The following ZNF335 variants were observed in gnomAD, a reference collection of about 807,000 sequenced individuals.
ZNF335 encodes the protein NRC-interacting factor 1.
A neutral mutation model predicts 145.6 loss-of-function variants in ZNF335; 84 were observed. The ratio of observed to expected loss-of-function variants is 0.58; its 90% CI spans 0.48 to 0.69. The LOEUF (loss-of-function observed/expected upper bound fraction) is 0.69, where lower values mean the gene tolerates loss of function less well. Ranked by LOEUF, ZNF335 falls within the 30% of genes least tolerant of loss-of-function variation. The pLI, the probability that ZNF335 is intolerant of heterozygous loss-of-function variation, is 0.00. For synonymous variants in ZNF335, 761 were observed against 717.0 expected, an observed-to-expected ratio of 1.06 and a Z score of -0.98; for missense variants, 1,865 against 1,809.7, an observed-to-expected ratio of 1.03 and a Z score of -0.55.
At chr20:45,966,950 G>T in intron 6 of ZNF335, 1 of 157,268 alleles carries the variant, frequency 6.4e-6, no homozygotes, top group South Asian at 1.7e-4. Context: ...CTGCAGCCTT[G>T]ACCTTCTGGG....
chr20:45,948,880 G>T lies in ZNF335; in HGVS notation c.*73C>A. ...TCTGGAGATCCTAAATGAAGAGGGAGGTGAGTCCTGGTGGCCCCCTACCCC... is the reference window on the plus strand; with the variant it reads ...TCTGGAGATCCTAAATGAAGAGGGATGTGAGTCCTGGTGGCCCCCTACCCC... On this transcript the variant is annotated 3_prime_UTR_variant, in exon 28 of 28. Coordinates refer to ENST00000322927, the MANE Select transcript of ZNF335 (RefSeq NM_022095.4). 6.2e-7 allele frequency: 1 copy of T among 1,604,058 alleles called. No homozygotes were observed.
chr20:45,967,615 T>TGCTGCTGCG lies in ZNF335; in HGVS notation c.825_833dup (p.Ala277_Ala279dup). 1 of 1,614,044 alleles carries TGCTGCTGCG rather than the reference T, an allele frequency of 6.2e-7. No individual in the cohort carries two copies. Among genetic ancestry groups the TGCTGCTGCG allele is most frequent in the Non-Finnish European group, 8.5e-7 (1 of 1,179,976 alleles). On this transcript the variant is annotated inframe_insertion, in exon 6 of 28. Coordinates refer to ENST00000322927, the MANE Select transcript of ZNF335 (RefSeq NM_022095.4). ...TCCGTAGACGTCCTTTTTTACCAGC[T>TGCTGCTGCG]GCTGCTGCGGCTGCTGCTACTGGAA... is the stretch of plus-strand genomic sequence containing the variant.
Position 45,968,000 on chromosome 20 carries a change from C to G in ZNF335, c.548G>C (p.Ser183Thr). ...TGCTAGGCTGTGGGCCAAGGTGGAA[C>G]TGGACATTGGTGATGTCATGGGGGC... is the stretch of plus-strand genomic sequence containing the variant. ...DGAPMTSPMS[S>T]STLAHSLAAI... Residue 183 changes from serine to threonine, a missense_variant, in exon 5 of 28, where the codon AGT (serine) becomes ACT (threonine). Transcript: ENST00000322927. The G allele has an allele frequency of 6.2e-7, 1 of 1,612,624 alleles. No homozygotes were observed. Among genetic ancestry groups the G allele is most frequent in the Non-Finnish European group, 8.5e-7 (1 of 1,180,022 alleles).
intron 9 of ZNF335, 121 bp downstream of exon 9, chr20:45,963,352 G>A: frequency 1.7e-6 from 2 of 1,159,474 alleles, no homozygotes; most frequent in Non-Finnish European, 1.2e-6. Context: ...GCGTTCTGAA[G>A]AGCAGCAGGA....
chr20:45,965,917 TCTC>T, intron 6 of ZNF335, 143 bp from the exon 7 acceptor site: 1 of 1,040,238 alleles, frequency 9.6e-7, no homozygotes, highest in Non-Finnish European at 1.3e-6. Context: ...GCCCTCCTGA[TCTC>T]CTCTGGCTGA....
intron 15 of ZNF335, among the ~76,000 whole-genome samples, chr20:45,958,742 T>C (rs961046040): frequency 1.3e-5 from 2 of 152,184 alleles, no homozygotes; most frequent in Admixed American, 6.5e-5. Flanking sequence ...GATGGATAGA[T>C]GGTAGGTATC....
At chr20:45,962,252 T>G (rs1048716288) in intron 9 of ZNF335, 70 bp from the exon 10 acceptor site, 112 of 1,240,206 alleles carry the variant, frequency 9.0e-5, no homozygotes, top group Non-Finnish European at 1.2e-4. Context: ...CCACCATGCC[T>G]GTGGCCACAG....
At chr20:45,959,531 A>C in intron 14 of ZNF335, 98 bp from the exon 15 acceptor site, 2 of 897,872 alleles carry the variant, frequency 2.2e-6, no homozygotes, top group Non-Finnish European at 3.1e-6. Context: ...CAACTGACTG[A>C]CTTCCAGCGA....
chr20:45,957,501 A>T, intron 17 of ZNF335, 85 bp downstream of exon 17: 1 of 1,323,418 alleles, frequency 7.6e-7, no homozygotes, highest in Non-Finnish European at 1.1e-6. Context: ...GCTCTGATAC[A>T]CTGTTTTCCT....
chr20:45,949,461 A>C (rs770820310), intron 25 of ZNF335, 24 bp downstream of exon 25: 2 of 1,613,788 alleles, frequency 1.2e-6, no homozygotes, highest in Non-Finnish European at 1.7e-6. Flanking sequence ...ACCACACAGC[A>C]CCCTCATCCC....
chr20:45,950,577 A>T lies in ZNF335; in HGVS notation c.3208T>A (p.Ser1070Thr). 6.2e-7 allele frequency: 1 copy of T among 1,614,000 alleles called. No homozygotes were observed. Among genetic ancestry groups the T allele is most frequent in the East Asian group, 2.2e-5 (1 of 44,890 alleles). ...PEVRAHMAQH[S>T]SLRPHQCSQC... is the part of the protein sequence containing the mutation. ...CTACACTGGTGGGGCCGTAGGCTTG[A>T]GTGCTGTGCCATGTGCGCCTGCAGA... The change falls in exon 21 of 28, where the codon TCA becomes ACA. Residue 1070 changes from serine (S) to threonine (T), a missense_variant. Coordinates refer to ENST00000322927, the MANE Select transcript of ZNF335 (RefSeq NM_022095.4).
chr20:45,965,919 T>G (rs1284199592), intron 6 of ZNF335, 145 bp from the exon 7 acceptor site: 4 of 1,018,406 alleles, frequency 3.9e-6, no homozygotes, highest in Non-Finnish European at 5.4e-6. Flanking sequence ...CCTCCTGATC[T>G]CCTCTGGCTG....
At chr20:45,972,095 G>C (rs370550756) in intron 1 of ZNF335, 27 bp downstream of exon 1, 3 of 1,288,566 alleles carry the variant, frequency 2.3e-6, no homozygotes, top group Non-Finnish European at 3.0e-6. Context: ...GGTACGGTGG[G>C]GCCGCCTAAC....
Position 45,963,826 on chromosome 20 carries a change from C to G in ZNF335, c.1267G>C (p.Ala423Pro). Reference sequence around the variant, plus strand: ...TGCTCATCCGGGCAGGAGGGGGCTGCGTTCTCTGCATCTGACTGGCTCACA... The same window carrying G: ...TGCTCATCCGGGCAGGAGGGGGCTGGGTTCTCTGCATCTGACTGGCTCACA... ...AGVSQSDAENAAPSCPDEHDT... is the reference protein window; with the variant it reads ...AGVSQSDAENPAPSCPDEHDT... Residue 423 changes from alanine (A) to proline (P), a missense_variant, in exon 8 of 28, where the codon GCA becomes CCA. Coordinates refer to ENST00000322927, the MANE Select transcript of ZNF335 (RefSeq NM_022095.4). 6.2e-7 allele frequency: 1 copy of G among 1,613,844 alleles called. No individual in the cohort carries two copies.
Position 45,959,226 on chromosome 20 carries a change from G to A in ZNF335, c.2228C>T (p.Pro743Leu). ...KQQHSAAPGP[P>L]PSSPGPPEIP... ...CTCAGGAGGTCCTGGGGAACTGGGA[G>A]GTGGTCCAGGGGCCGCACTGTGCTG... The change falls in exon 15 of 28, where the codon CCT becomes CTT. Residue 743 changes from proline (P) to leucine (L), a missense_variant. Pro to Leu is a moderately conservative substitution (Grantham distance 98). Transcript: ENST00000322927. 1.4e-6 allele frequency: 2 copies of A among 1,386,656 alleles called. No individual in the cohort carries two copies. Among genetic ancestry groups the A allele is most frequent in the South Asian group, 1.8e-5 (1 of 56,704 alleles). The allele number at this position is 1,386,656 out of a possible 1,614,324, so 85.9% of individuals were successfully genotyped here.
chr20:45,954,770 CTTTTTTTTT>C (rs10577924), intron 17 of ZNF335, among the ~76,000 whole-genome samples: 2 of 90,152 alleles, frequency 2.2e-5, no homozygotes, highest in East Asian at 3.3e-4. Context: ...CATACAATTA[CTTTTTTTTT>C]TTTTTTTTTT....
In ZNF335 at chr20:45,960,376, C is replaced by T. The variant is rs759071194; in HGVS notation, c.1860-8G>A. The T allele has an allele frequency of 3.5e-5, 57 of 1,614,032 alleles. No individual in the cohort carries two copies. In the Middle Eastern group the frequency reaches 6.6e-4, roughly 19 times the overall value. On this transcript the variant is annotated splice_region_variant and splice_polypyrimidine_tract_variant and intron_variant, in intron 13 of 27. Transcript: ENST00000322927. ...CAGAACTCACACTTGAACCTGGAGG[C>T]GGTTAGAGGGAGGGAAGCTCAGTAA...
chr20:45,956,825 T>C (rs2083737319), intron 17 of ZNF335, among the ~76,000 whole-genome samples: 1 of 152,034 alleles, frequency 6.6e-6, no homozygotes, highest in African/African-American at 2.4e-5. Context: ...AAAATATAAA[T>C]GAATGTTTTA....
chr20:45,972,195 G>A lies in ZNF335; in HGVS notation c.-124C>T, dbSNP rs1042499914. On this transcript the variant is annotated 5_prime_UTR_variant, in exon 1 of 28. Transcript: ENST00000322927. The stretch of plus-strand genomic sequence containing the variant: ...TCGCCATCCTCTTTCCTCCGCTGCG[G>A]AGGAACCCATCGGCCTATTGTAGGC... 13 of 1,289,358 alleles carry A rather than the reference G, an allele frequency of 1.0e-5. No individual in the cohort carries two copies. Among genetic ancestry groups the A allele is most frequent in the Non-Finnish European group, 1.2e-5 (12 of 988,638 alleles). The allele number at this position is 1,289,358 out of a possible 1,614,324, so 79.9% of individuals were successfully genotyped here.
Sources: allele counts gnomAD v4.1 joint callset (sites outside exome capture counted in the v4.1 genomes callset), GRCh38; gene constraint gnomAD v4.1.1; transcripts MANE v1.5; gene names NCBI Gene and HGNC (gene_info 2026-07-23, HGNC 2026-07-21).